Variants in MAPK15 observed in about 807,000 individuals in gnomAD.
The protein encoded by MAPK15 is mitogen-activated protein kinase 15.
MAPK15 carries 61 observed loss-of-function variants against 60.8 expected under a neutral mutation model. The observed-to-expected ratio is 1.00, with a 90% CI of 0.82 to 1.24. MAPK15 has a LOEUF of 1.24. Ranked by LOEUF, MAPK15 falls within the 50% of genes most tolerant of loss-of-function variation. The pLI is 0.00. For synonymous variants in MAPK15, 356 were observed against 319.9 expected, an observed-to-expected ratio of 1.11 and a Z score of -1.21; for missense variants, 808 against 741.1, an observed-to-expected ratio of 1.09 and a Z score of -1.05.
In MAPK15 at chr8:143,720,491, T is replaced by G. The variant is rs1554619450; in HGVS notation, c.779+204T>G. 3 of 1,449,994 alleles carry G rather than the reference T, an allele frequency of 2.1e-6. No individual in the cohort carries two copies. In the African/African-American group the frequency reaches 4.3e-5, roughly 21 times the overall value. The allele number at this position is 1,449,994 out of a possible 1,614,324, so 89.8% of individuals were successfully genotyped here. A position where few individuals can be genotyped will look rare whatever the true frequency, so the allele number is the denominator to read the frequency against. ...CCTAGAGGGTGGCCCAGAGGAGCTG[T>G]GCCAGGGCGTGGAGAGGAGGGCACC... On this transcript the variant is annotated intron_variant, in intron 8 of 13. Transcript: ENST00000338033. The surrounding 1 kb of genome is among the most constrained non-coding windows in gnomAD (Gnocchi z 4.6).
At position 143,721,286 on chromosome 8, in the gene MAPK15, G is replaced by T; in HGVS notation, c.1079G>T (p.Gly360Val). ...ACCTCGAGAGAGAAGGGCCCGGAGG[G>T]TGTCTCCCCAAGCCAGGCACACCTG... ...SGTSREKGPEGVSPSQAHLHK... is the reference protein window; with the variant it reads ...SGTSREKGPEVVSPSQAHLHK... The change falls in exon 11 of 14, where the codon GGT becomes GTT. Residue 360 changes from glycine to valine, a missense_variant. Gly to Val is a moderately radical substitution (Grantham distance 109). Transcript: ENST00000338033. The T allele has an allele frequency of 6.2e-7, 1 of 1,613,612 alleles. No individual in the cohort carries two copies. The highest frequency in any genetic ancestry group is 8.5e-7 in the Non-Finnish European group (1 of 1,179,934).
chr8:143,720,547 G>T lies in MAPK15; in HGVS notation c.780-156G>T. ...GCCGCAGGGGTCTCTCCACCCTGCA[G>T]GGGCCCAGACTGCCTGCAGGTCAGG... On this transcript the variant is annotated intron_variant, in intron 8 of 13. Transcript: ENST00000338033. This position sits in a 1 kb window ranked among gnomAD's most constrained non-coding sequence, Gnocchi z 4.6. 6.8e-7 allele frequency: 1 copy of T among 1,463,610 alleles called. No individual in the cohort carries two copies. The highest frequency in any genetic ancestry group is 9.1e-7 in the Non-Finnish European group (1 of 1,104,200). 90.7% of individuals were successfully genotyped at this position (1,463,610 alleles called of 1,614,324 possible).
At chr8:143,718,616 C>A in intron 4 of MAPK15, 159 bp from the exon 5 acceptor site, 2 of 662,698 alleles carry the variant, frequency 3.0e-6, no homozygotes, top group Non-Finnish European at 5.3e-6. Flanking sequence ...GCAGACCTCA[C>A]CGCTGTGCCC....
chr8:143,721,089 G>A lies in MAPK15; in HGVS notation c.1007G>A (p.Arg336His), dbSNP rs770418939. 21 of 1,610,678 alleles carry A rather than the reference G, an allele frequency of 1.3e-5. No homozygotes were observed. Among genetic ancestry groups the A allele is most frequent in the Non-Finnish European group, 1.4e-5 (16 of 1,178,796 alleles). ...GTCCAGCTCTCTGTGCCTGAGTACC[G>A]CAGCCGCGTCTATCAGGTGCTCCGG... ...EGVQLSVPEY[R>H]SRVYQMILEC... is the part of the protein sequence containing the mutation. The change falls in exon 10 of 14, where the codon CGC becomes CAC. Residue 336 changes from arginine (R) to histidine (H), a missense_variant. Transcript: ENST00000338033.
rs1817893209 is a variant in MAPK15, at chr8:143,718,299, A to T, written c.283A>T (p.Met95Leu). Reference sequence around the variant, plus strand: ...GGACATTTACCTGGTGTTTGAGTTTATGGGTGAGTGAGGCCCCGGCCAGCG... The same window carrying T: ...GGACATTTACCTGGTGTTTGAGTTTTTGGGTGAGTGAGGCCCCGGCCAGCG... The part of the protein sequence containing the change: ...DRDIYLVFEF[M>L]DTDLNAVIRK... Residue 95 changes from methionine (M) to leucine (L), a missense_variant, in exon 4 of 14, where the codon ATG becomes TTG. Transcript: ENST00000338033. 1.2e-6 allele frequency: 2 copies of T among 1,613,718 alleles called. No homozygotes were observed. Among genetic ancestry groups the T allele is most frequent in the Non-Finnish European group, 8.5e-7 (1 of 1,179,980 alleles).
At chr8:143,718,191 C>A in intron 3 of MAPK15, 21 bp from the exon 4 acceptor site, 5 of 1,613,758 alleles carry the variant, frequency 3.1e-6, no homozygotes, top group Non-Finnish European at 4.2e-6. Context: ...GCCTTCCAGC[C>A]GCCTCCGACT....
intron 1 of MAPK15, among the ~76,000 whole-genome samples, chr8:143,716,892 G>A (rs1563746998): frequency 6.6e-6 from 1 of 152,062 alleles, no homozygotes; most frequent in African/African-American, 2.4e-5. Context: ...AGAGCCTTGT[G>A]TATCTGTGTG....
At chr8:143,717,574 A>G (rs1386731608) in intron 1 of MAPK15, 120 bp from the exon 2 acceptor site, 20 of 823,080 alleles carry the variant, frequency 2.4e-5, no homozygotes, top group Non-Finnish European at 3.8e-5. Context: ...GGGAGCCCAC[A>G]CTCCCATCCC....
In MAPK15 at chr8:143,721,818, C is replaced by A; in HGVS notation, c.1396C>A (p.Gln466Lys). 6.2e-7 allele frequency: 1 copy of A among 1,612,204 alleles called. No individual in the cohort carries two copies. The highest frequency in any genetic ancestry group is 8.5e-7 in the Non-Finnish European group (1 of 1,179,426). ...CCAGGCTGCGGCTCAGGTGGCCAAC[C>A]AGGCCCTGATCCGGGGTGACTGGAA... The part of the protein sequence containing the change: ...TSQAAAQVAN[Q>K]ALIRGDWNRG... The change falls in exon 13 of 14, where the codon CAG (glutamine) becomes AAG (lysine). Residue 466 changes from glutamine to lysine, a missense_variant. Gln to Lys is a moderately conservative substitution (Grantham distance 53). Coordinates refer to ENST00000338033, the MANE Select transcript of MAPK15 (RefSeq NM_139021.3).
chr8:143,721,524 C>CG (rs782648505), intron 11 of MAPK15, 25 bp from the exon 12 acceptor site: 1 of 1,613,214 alleles, frequency 6.2e-7, no homozygotes, highest in Non-Finnish European at 8.5e-7. Context: ...CCACTGACCC[C>CG]GGGGTTGACC....
intron 12 of MAPK15, 37 bp from the exon 13 acceptor site, chr8:143,721,715 G>C: frequency 1.2e-6 from 2 of 1,613,200 alleles, no homozygotes; most frequent in Non-Finnish European, 1.7e-6. Context: ...CCCCTCCTCT[G>C]CACCTTTCAG....
chr8:143,720,444 A>G lies in MAPK15; in HGVS notation c.779+157A>G. 1 of 1,446,584 alleles carries G rather than the reference A, an allele frequency of 6.9e-7. No individual in the cohort carries two copies. Among genetic ancestry groups the G allele is most frequent in the Non-Finnish European group, 9.1e-7 (1 of 1,096,594 alleles). 89.6% of individuals were successfully genotyped at this position (1,446,584 alleles called of 1,614,324 possible). ...ACCCAACAACTGTTGGCCACACTGA[A>G]AGCAGGAGCCCCTCTGGTGCTCCTA... On this transcript the variant is annotated intron_variant, in intron 8 of 13. Coordinates refer to ENST00000338033, the MANE Select transcript of MAPK15 (RefSeq NM_139021.3). This position sits in a 1 kb window ranked among gnomAD's most constrained non-coding sequence, Gnocchi z 4.6.
chr8:143,718,549 CT>C, intron 4 of MAPK15: 2 of 628,876 alleles, frequency 3.2e-6, no homozygotes, highest in East Asian at 2.7e-5. Context: ...TTGCGTTCTC[CT>C]TTTTCTTCTC....
rs1554618999 is a variant in MAPK15, at chr8:143,718,757, T to C, written c.287-18T>C. 1.5e-5 allele frequency: 13 copies of C among 846,510 alleles called. No individual in the cohort carries two copies. The highest frequency in any genetic ancestry group is 1.9e-5 in the Non-Finnish European group (12 of 621,310). 52.4% of individuals were successfully genotyped at this position (846,510 alleles called of 1,614,324 possible). On this transcript the variant is annotated intron_variant, in intron 4 of 13. Coordinates refer to ENST00000338033, the MANE Select transcript of MAPK15 (RefSeq NM_139021.3). ...CCCAGCCCCCCACCCCCGACTGCAG[T>C]GCGCACCCTCTCTGCAGACACTGAC... is the stretch of plus-strand genomic sequence containing the variant.
chr8:143,721,010 C>T lies in MAPK15; in HGVS notation c.928C>T (p.Pro310Ser). 1 of 1,610,540 alleles carries T rather than the reference C, an allele frequency of 6.2e-7. No homozygotes were observed. Among genetic ancestry groups the T allele is most frequent in the Non-Finnish European group, 8.5e-7 (1 of 1,178,994 alleles). The change falls in exon 10 of 14, where the codon CCC becomes TCC. Residue 310 changes from proline (P) to serine (S), a missense_variant. Pro to Ser is a moderately conservative substitution (Grantham distance 74). Transcript: ENST00000338033. ...CCTGGCTCCCTGCAGGTTCCACTGC[C>T]CCAGCGACGAGTGGGCACGAGAGGC... ...QHPYVQRFHC[P>S]SDEWAREADV...
chr8:143,721,232 T>C lies in MAPK15; in HGVS notation c.1025T>C (p.Met342Thr). 6.2e-7 allele frequency: 1 copy of C among 1,607,324 alleles called. No homozygotes were observed. The highest frequency in any genetic ancestry group is 8.5e-7 in the Non-Finnish European group (1 of 1,176,674). The change falls in exon 11 of 14, where the codon ATG becomes ACG. Residue 342 changes from methionine to threonine, a missense_variant and splice_region_variant. Physicochemically the swap from Met to Thr is moderately conservative, Grantham distance 81. Coordinates refer to ENST00000338033, the MANE Select transcript of MAPK15 (RefSeq NM_139021.3). ...VPEYRSRVYQ[M>T]ILECGGSSGT... The stretch of plus-strand genomic sequence containing the variant: ...CTGAGCACCCTTCCCCTCCCGCAGA[T>C]GATCCTGGAGTGTGGAGGCAGCAGC...
chr8:143,721,476 A>G (rs781997270), intron 11 of MAPK15, 65 bp downstream of exon 11: 93 of 1,611,612 alleles, frequency 5.8e-5, no homozygotes, highest in Non-Finnish European at 7.8e-5. Flanking sequence ...TGTGCTGCCA[A>G]CTATGCGCAG....
chr8:143,718,727 G>GGGGCCCCCCCCC, intron 4 of MAPK15, 48 bp from the exon 5 acceptor site: 1 of 514,516 alleles, frequency 1.9e-6, no homozygotes, highest in South Asian at 4.1e-5. Flanking sequence ...CCCCCAGGTT[G>GGGGCCCCCCCCC]CCCCCCCAGC....
intron 1 of MAPK15, 109 bp downstream of exon 1, chr8:143,716,552 G>C: frequency 1.0e-6 from 1 of 958,388 alleles, no homozygotes; most frequent in Admixed American, 3.5e-5. Context: ...TCACACACTG[G>C]CGTCCTGCCT....
Sources: allele counts gnomAD v4.1 joint callset (sites outside exome capture counted in the v4.1 genomes callset), GRCh38; gene constraint gnomAD v4.1.1; non-coding constraint Gnocchi (gnomAD v3.1); transcripts MANE v1.5; gene names NCBI Gene and HGNC (gene_info 2026-07-23, HGNC 2026-07-21).